DLC1: variants seen among roughly 807,000 people sequenced by gnomAD.
DLC1 encodes the protein DLC1 Rho GTPase activating protein.
In DLC1, 54 loss-of-function variants were observed where a neutral mutation model predicts 140.3. The observed-to-expected ratio is 0.38, with a 90% CI of 0.31 to 0.48. The LOEUF (loss-of-function observed/expected upper bound fraction) is 0.48, where lower values mean the gene tolerates loss of function less well. DLC1 is among the 20% of genes least tolerant of loss of function. DLC1 has a pLI of 0.96. For synonymous variants in DLC1, 986 were observed against 728.1 expected (o/e 1.35, Z -5.70); for missense variants, 2,536 against 1,907.0 (o/e 1.33, Z -6.14).
chr8:13,373,388 A>T (rs1435304704), intron 4 of DLC1, among the ~76,000 whole-genome samples: 2 of 152,126 alleles, frequency 1.3e-5, no homozygotes, highest in Non-Finnish European at 2.9e-5. Context: ...ATTATAAATC[A>T]TTGTTTATCT....
At chr8:13,328,868 G>A (rs953419301) in intron 4 of DLC1, among the ~76,000 whole-genome samples, 1 of 152,152 alleles carries the variant, frequency 6.6e-6, no homozygotes, top group African/African-American at 2.4e-5. Flanking sequence ...ATAGGCTGGA[G>A]TGATCTGGGA....
intron 5 of DLC1, chr8:13,133,257 G>C: frequency 1.5e-6 from 2 of 1,355,214 alleles, no homozygotes; most frequent in Non-Finnish European, 9.5e-7. Flanking sequence ...GGCTGGGAGC[G>C]AAGCGCCCTC....
intron 5 of DLC1, among the ~76,000 whole-genome samples, chr8:13,269,193 C>T (rs1317161653): frequency 6.6e-6 from 1 of 152,144 alleles, no homozygotes; most frequent in African/African-American, 2.4e-5. Flanking sequence ...TCTAAGAAAG[C>T]ACATGCCTTG....
intron 1 of DLC1, among the ~76,000 whole-genome samples, chr8:13,507,422 AC>A (rs1272676196): frequency 1.3e-5 from 2 of 152,220 alleles, no homozygotes; most frequent in Non-Finnish European, 2.9e-5. Flanking sequence ...TCAGTAAAAA[AC>A]AATTAGTGTT....
intron 1 of DLC1, among the ~76,000 whole-genome samples, chr8:13,529,527 G>A (rs899275072): frequency 5.9e-5 from 9 of 151,914 alleles, no homozygotes; most frequent in South Asian, 4.2e-4. Context: ...CACTTAATTC[G>A]TACCTCTATT....
At chr8:13,195,982 G>T (rs1030779328) in intron 5 of DLC1, among the ~76,000 whole-genome samples, 1 of 152,048 alleles carries the variant, frequency 6.6e-6, no homozygotes, top group Non-Finnish European at 1.5e-5. Flanking sequence ...GAAGAGAAAA[G>T]AAATAATGTA....
chr8:13,580,213 C>G (rs564589438), intron 1 of DLC1, among the ~76,000 whole-genome samples: 2 of 152,024 alleles, frequency 1.3e-5, no homozygotes, highest in African/African-American at 2.4e-5. Context: ...GCCTCTGCCT[C>G]CCTGGTTCAC....
chr8:13,491,578 A>G (rs1801245017), intron 2 of DLC1, among the ~76,000 whole-genome samples: 1 of 152,342 alleles, frequency 6.6e-6, no homozygotes, highest in Non-Finnish European at 1.5e-5. Context: ...ACAACTAAGT[A>G]TCTTCGGGAT....
At chr8:13,152,497 A>G (rs1823895301) in intron 5 of DLC1, among the ~76,000 whole-genome samples, 1 of 152,204 alleles carries the variant, frequency 6.6e-6, no homozygotes, top group Admixed American at 6.5e-5. Flanking sequence ...AGTGGTTTTA[A>G]TTTCCATGAA....
intron 4 of DLC1, among the ~76,000 whole-genome samples, chr8:13,389,017 T>C (rs1029263122): frequency 6.6e-6 from 1 of 152,072 alleles, no homozygotes; most frequent in Admixed American, 6.6e-5. Context: ...AGTATAGCGT[T>C]CAGGAGCATT....
intron 4 of DLC1, among the ~76,000 whole-genome samples, chr8:13,361,287 C>T (rs768542583): frequency 6.6e-6 from 1 of 151,940 alleles, no homozygotes; most frequent in Non-Finnish European, 1.5e-5. Flanking sequence ...TTTACCCTGT[C>T]GTGCAGGCTG....
At chr8:13,456,072 A>G (rs1398761378) in intron 2 of DLC1, among the ~76,000 whole-genome samples, 1 of 152,196 alleles carries the variant, frequency 6.6e-6, no homozygotes, top group Admixed American at 6.5e-5. Flanking sequence ...TCAAAGGGGA[A>G]AAGCATCATT....
chr8:13,345,184 A>G (rs1729122), intron 4 of DLC1, among the ~76,000 whole-genome samples: 81,957 of 151,894 alleles, frequency 0.54, 22,253 homozygotes, highest in Admixed American at 0.62. Context: ...TATAGAATTG[A>G]ATTCTATATG....
intron 1 of DLC1, among the ~76,000 whole-genome samples, chr8:13,532,455 G>A (rs918697046): frequency 6.6e-6 from 1 of 152,258 alleles, no homozygotes; most frequent in East Asian, 1.9e-4. Flanking sequence ...AGAATTCTGA[G>A]AGGAAAGATC....
intron 3 of DLC1, 98 bp from the exon 4 acceptor site, chr8:13,393,791 G>T: frequency 7.2e-7 from 1 of 1,392,296 alleles, no homozygotes; most frequent in Non-Finnish European, 9.8e-7. Context: ...CTTTCTCCCA[G>T]TGCACACTGA....
chr8:13,192,713 G>A (rs2117032264), intron 5 of DLC1, among the ~76,000 whole-genome samples: 1 of 152,308 alleles, frequency 6.6e-6, no homozygotes, highest in Middle Eastern at 3.4e-3. Context: ...GGGTTAAAAT[G>A]ATGCTGTTAG....
chr8:13,426,107 A>G (rs898733015), intron 2 of DLC1, among the ~76,000 whole-genome samples: 1 of 150,500 alleles, frequency 6.6e-6, no homozygotes, highest in Non-Finnish European at 1.5e-5. Context: ...GCCACCCTGT[A>G]TGGCAATTAT....
rs745741705 is a variant in DLC1, at chr8:13,095,077, C to T, written c.3327+9G>A. The T allele has an allele frequency of 3.5e-5, 56 of 1,613,992 alleles. No individual in the cohort carries two copies. The highest frequency in any genetic ancestry group is 1.7e-4 in the Middle Eastern group (1 of 6,060). On this transcript the variant is annotated intron_variant, in intron 11 of 17. Coordinates refer to ENST00000276297, the MANE Select transcript of DLC1 (RefSeq NM_182643.3). ...CCTGAGTACGTGGACCCGCAGGCAG[C>T]GCTCTCACCTGATCCAAACAATGGT...
chr8:13,603,090 A>G (rs1805941018), intron 1 of DLC1, among the ~76,000 whole-genome samples: 1 of 151,918 alleles, frequency 6.6e-6, no homozygotes, highest in Non-Finnish European at 1.5e-5. Flanking sequence ...GTTCACAAAC[A>G]TGCTGTTTTG....
Sources: allele counts gnomAD v4.1 joint callset (sites outside exome capture counted in the v4.1 genomes callset), GRCh38; gene constraint gnomAD v4.1.1; transcripts MANE v1.5; gene names NCBI Gene and HGNC (gene_info 2026-07-23, HGNC 2026-07-21).